The following TSNARE1 variants were observed in gnomAD, a reference collection of about 807,000 sequenced individuals.
TSNARE1 encodes t-SNARE domain-containing protein 1.
A neutral mutation model predicts 62.0 loss-of-function variants in TSNARE1; 49 were observed. The ratio of observed to expected loss-of-function variants is 0.79; its 90% CI spans 0.63 to 1.00. The LOEUF (loss-of-function observed/expected upper bound fraction) is 1.00, where lower values mean the gene tolerates loss of function less well. Among genes scored for constraint, TSNARE1 ranks in the 50% least tolerant of loss-of-function variants. The pLI is 0.00. For synonymous variants in TSNARE1, 328 were observed against 294.4 expected (o/e 1.11, Z -1.17); for missense variants, 755 against 700.1 (o/e 1.08, Z -0.88).
At chr8:142,397,818 A>G (rs1013041492) in intron 1 of TSNARE1, among the ~76,000 whole-genome samples, 1 of 152,154 alleles carries the variant, frequency 6.6e-6, no homozygotes, top group African/African-American at 2.4e-5. Flanking sequence ...GGGGGCCCAC[A>G]GCGCAGCCAC....
intron 1 of TSNARE1, among the ~76,000 whole-genome samples, chr8:142,359,926 C>T (rs1336752408): frequency 6.6e-6 from 1 of 152,160 alleles, no homozygotes; most frequent in Non-Finnish European, 1.5e-5. Context: ...GAGGAGGGGT[C>T]AGCACCCAGG....
intron 10 of TSNARE1, among the ~76,000 whole-genome samples, chr8:142,290,137 G>A (rs1823510256): frequency 6.6e-6 from 1 of 152,212 alleles, no homozygotes; most frequent in Admixed American, 6.5e-5. Context: ...CACGGGCCTA[G>A]GTGGGAGCCT....
chr8:142,388,818 T>C (rs1460444823), intron 1 of TSNARE1, among the ~76,000 whole-genome samples: 1 of 152,182 alleles, frequency 6.6e-6, no homozygotes, highest in Non-Finnish European at 1.5e-5. Flanking sequence ...CCAGGTGATC[T>C]GTCTGCCCCG....
chr8:142,402,301 C>T (rs924553268), intron 1 of TSNARE1, among the ~76,000 whole-genome samples: 2 of 152,198 alleles, frequency 1.3e-5, no homozygotes, highest in Non-Finnish European at 2.9e-5. Flanking sequence ...TCCCTACCCG[C>T]GCTGCCCCAC....
At chr8:142,394,218 C>A (rs1373770675) in intron 1 of TSNARE1, among the ~76,000 whole-genome samples, 2 of 152,222 alleles carry the variant, frequency 1.3e-5, no homozygotes, top group Admixed American at 6.5e-5. Flanking sequence ...AAGATAACAG[C>A]TTTGGGGGCA....
chr8:142,271,715 G>C lies in TSNARE1; in HGVS notation c.1446+3066C>G, dbSNP rs577722646. On this transcript the variant is annotated intron_variant, in intron 12 of 13. Transcript: ENST00000524325. ...AGCTAACAGAGGGAGACAGGAAAAT[G>C]TCAGCCTGCACACCCAAAACCCAGT... 1.9e-5 allele frequency: 26 copies of C among 1,348,984 alleles called. No homozygotes were observed. In the South Asian group the frequency reaches 3.9e-4, roughly 20 times the overall value. 83.6% of individuals were successfully genotyped at this position (1,348,984 alleles called of 1,614,324 possible).
At chr8:142,238,948 C>T (rs565656538) in intron 12 of TSNARE1, among the ~76,000 whole-genome samples, 96 of 152,242 alleles carry the variant, frequency 6.3e-4, no homozygotes, top group South Asian at 3.1e-3. Context: ...GTTGCTAGCA[C>T]GGCTTCCACA....
intron 10 of TSNARE1, among the ~76,000 whole-genome samples, chr8:142,294,688 C>T (rs1185160391): frequency 6.6e-6 from 1 of 152,236 alleles, no homozygotes; most frequent in Non-Finnish European, 1.5e-5. Flanking sequence ...GCTGCAGGAG[C>T]TCGGAGGGCC....
chr8:142,277,761 G>C (rs1406401822), intron 11 of TSNARE1: 1 of 985,284 alleles, frequency 1.0e-6, no homozygotes, highest in African/African-American at 1.7e-5. Context: ...ATCCACCAGG[G>C]GTCACAGAAG....
chr8:142,237,079 G>A (rs1486103669), intron 12 of TSNARE1, among the ~76,000 whole-genome samples: 1 of 147,450 alleles, frequency 6.8e-6, no homozygotes, highest in Non-Finnish European at 1.5e-5. Flanking sequence ...GAACGGCGGG[G>A]TGGGCGGGTA....
At chr8:142,256,064 CCAT>C (rs1818506368) in intron 12 of TSNARE1, among the ~76,000 whole-genome samples, 11 of 83,530 alleles carry the variant, frequency 1.3e-4, no homozygotes, top group Non-Finnish European at 2.4e-4. Flanking sequence ...ATCACCACCA[CCAT>C]CACCATCACC....
intron 13 of TSNARE1, among the ~76,000 whole-genome samples, chr8:142,227,197 C>A (rs1013512911): frequency 1.3e-5 from 2 of 150,904 alleles, no homozygotes; most frequent in East Asian, 3.9e-4. Flanking sequence ...CAGTGAGGAC[C>A]TCCACTGCAT....
At chr8:142,231,451 T>C (rs940239554) in intron 12 of TSNARE1, among the ~76,000 whole-genome samples, 1 of 151,174 alleles carries the variant, frequency 6.6e-6, no homozygotes, top group Non-Finnish European at 1.5e-5. Context: ...AGGCCAAGAG[T>C]GAATCAGACA....
chr8:142,339,562 G>C (rs1449975454), intron 4 of TSNARE1, among the ~76,000 whole-genome samples: 1 of 152,220 alleles, frequency 6.6e-6, no homozygotes, highest in African/African-American at 2.4e-5. Flanking sequence ...GCACTGGCAA[G>C]GTTCACCCCA....
intron 12 of TSNARE1, among the ~76,000 whole-genome samples, chr8:142,235,306 T>C (rs1482270277): frequency 6.6e-6 from 1 of 152,044 alleles, no homozygotes; most frequent in Non-Finnish European, 1.5e-5. Context: ...GGTGGCTGGA[T>C]GCTGGATGTC....
intron 1 of TSNARE1, among the ~76,000 whole-genome samples, chr8:142,370,254 A>G (rs1835829193): frequency 6.6e-6 from 1 of 152,202 alleles, no homozygotes; most frequent in Admixed American, 6.5e-5. Flanking sequence ...AAACTGAGAC[A>G]GTATCATCCC....
intron 6 of TSNARE1, among the ~76,000 whole-genome samples, chr8:142,328,503 T>G (rs1830561514): frequency 6.6e-6 from 1 of 152,238 alleles, no homozygotes; most frequent in African/African-American, 2.4e-5. Flanking sequence ...ATTCTTGCCT[T>G]TCTTTGTTCA....
chr8:142,280,035 G>A lies in TSNARE1; in HGVS notation c.1363+4378C>T, dbSNP rs375073558. On this transcript the variant is annotated intron_variant, in intron 11 of 13. Transcript: ENST00000524325. ...ACTTGTGCTTGAGGTCCCCCAGGTC[G>A]CGGCGGCAGTAGCCCAGCGCGTTCA... 108 of 1,228,952 alleles carry A rather than the reference G, an allele frequency of 8.8e-5. 1 individual carries two copies. Among genetic ancestry groups the A allele is most frequent in the East Asian group, 6.7e-4 (9 of 13,380 alleles). 76.1% of individuals were successfully genotyped at this position (1,228,952 alleles called of 1,614,324 possible). A position where few individuals can be genotyped will look rare whatever the true frequency, so the allele number is the denominator to read the frequency against.
chr8:142,296,113 G>A lies in TSNARE1; in HGVS notation c.1290+4373C>T, dbSNP rs150927927. On this transcript the variant is annotated intron_variant, in intron 10 of 13. Transcript: ENST00000524325. ...GGGGGTGGTCACTCATGGGGGAGGG[G>A]GTGGTCACTGTGGAAGAGGAAGGTG... Among the ~76,000 whole-genome samples the A allele has an allele frequency of 2.0e-3, 58 of 29,088 alleles. 1 individual carries two copies. Among genetic ancestry groups the A allele is most frequent in the African/African-American group, 7.1e-3 (38 of 5,368 alleles). 19.1% of individuals were successfully genotyped at this position (29,088 alleles called of 152,430 possible).
Sources: gnomAD v4.1 joint callset for allele counts (sites outside exome capture counted in the v4.1 genomes callset) on GRCh38, gnomAD v4.1.1 for gene constraint, MANE v1.5 for transcripts, NCBI Gene and HGNC (gene_info 2026-07-23, HGNC 2026-07-21) for gene names.